AKT3: variants seen among roughly 807,000 people sequenced by gnomAD.
AKT3 encodes the protein RAC-gamma serine/threonine-protein kinase.
A neutral mutation model predicts 65.3 loss-of-function variants in AKT3; 15 were observed. The observed-to-expected ratio is 0.23, with a 90% CI of 0.15 to 0.35. AKT3 has a LOEUF of 0.35. Ranked by LOEUF, AKT3 falls within the 10% of genes least tolerant of loss-of-function variation. AKT3 has a pLI of 1.00. For synonymous variants in AKT3, 206 were observed against 183.8 expected (o/e 1.12, Z -0.98); for missense variants, 243 against 576.5 (o/e 0.42, Z 5.92).
At chr1:243,655,656 A>C (rs995695556) in intron 4 of AKT3, among the ~76,000 whole-genome samples, 9 of 152,202 alleles carry the variant, frequency 5.9e-5, no homozygotes, top group Non-Finnish European at 1.2e-4. Flanking sequence ...TTCAGGACTG[A>C]AATAATTTAT....
intron 12 of AKT3, among the ~76,000 whole-genome samples, chr1:243,530,692 T>C (rs941048626): frequency 1.3e-5 from 2 of 151,918 alleles, no homozygotes; most frequent in Admixed American, 6.6e-5. Flanking sequence ...TTGAAGGAAA[T>C]TGAAATGCAG....
intron 2 of AKT3, among the ~76,000 whole-genome samples, chr1:243,826,632 T>A (rs1340735172): frequency 1.3e-5 from 2 of 152,178 alleles, no homozygotes; most frequent in East Asian, 3.9e-4. Flanking sequence ...AACAAGTATA[T>A]GAAAAGCAAA....
chr1:243,741,335 CTAATAAA>C (rs1436925018), intron 2 of AKT3, among the ~76,000 whole-genome samples: 1 of 152,176 alleles, frequency 6.6e-6, no homozygotes, highest in Non-Finnish European at 1.5e-5. Flanking sequence ...TCCAGTAACA[CTAATAAA>C]TAATTATTCC....
At chr1:243,634,457 CAAT>C (rs1279241334) in intron 6 of AKT3, among the ~76,000 whole-genome samples, 2 of 151,740 alleles carry the variant, frequency 1.3e-5, no homozygotes, top group Non-Finnish European at 2.9e-5. Flanking sequence ...AAATTAACAA[CAAT>C]AATAAAATAG....
intron 1 of AKT3, among the ~76,000 whole-genome samples, chr1:243,844,000 A>C (rs956028389): frequency 3.3e-5 from 5 of 152,196 alleles, no homozygotes; most frequent in Admixed American, 2.0e-4. Flanking sequence ...CTCATCATTT[A>C]CGTATTCTTA....
chr1:243,674,631 T>C (rs1683379520), intron 3 of AKT3, among the ~76,000 whole-genome samples: 2 of 151,828 alleles, frequency 1.3e-5, no homozygotes, highest in South Asian at 4.2e-4. Context: ...AAAAGAGGGG[T>C]GAGGAAGGTA....
intron 2 of AKT3, among the ~76,000 whole-genome samples, chr1:243,803,810 TG>T (rs1158713446): frequency 2.0e-5 from 3 of 152,192 alleles, no homozygotes; most frequent in African/African-American, 7.2e-5. Flanking sequence ...CAATCAAGTT[TG>T]CCATCCCCCT....
chr1:243,843,456 T>C lies in AKT3; in HGVS notation c.-112-174A>G, dbSNP rs112765741. 5 of 1,076,146 alleles carry C rather than the reference T, an allele frequency of 4.6e-6. No individual in the cohort carries two copies. The African/African-American group carries it at 6.5e-5, about 14-fold the overall frequency. The allele number at this position is 1,076,146 out of a possible 1,614,324, so 66.7% of individuals were successfully genotyped here. ...TAGTTCTATAATGAAAGCACTTCCC[T>C]AGTCTTGTGACCAATTTCAAATGAT... On this transcript the variant is annotated intron_variant, in intron 1 of 13. Coordinates refer to ENST00000673466, the MANE Select transcript of AKT3 (RefSeq NM_005465.7).
intron 10 of AKT3, among the ~76,000 whole-genome samples, chr1:243,559,502 G>A (rs921265865): frequency 1.3e-5 from 2 of 151,936 alleles, no homozygotes; most frequent in African/African-American, 4.8e-5. Flanking sequence ...TTTCTAATTT[G>A]CCATAAGAAA....
At chr1:243,657,480 C>G (rs1449327812) in intron 4 of AKT3, among the ~76,000 whole-genome samples, 3 of 152,020 alleles carry the variant, frequency 2.0e-5, no homozygotes, top group African/African-American at 4.8e-5. Flanking sequence ...CAAAACATTG[C>G]TGAAAGAAAT....
chr1:243,847,645 T>C (rs1261175696), intron 1 of AKT3, among the ~76,000 whole-genome samples: 1 of 152,188 alleles, frequency 6.6e-6, no homozygotes, highest in Non-Finnish European at 1.5e-5. Context: ...CTAAGTCCAT[T>C]TGTTCCCTAG....
intron 6 of AKT3, among the ~76,000 whole-genome samples, chr1:243,615,814 C>G (rs1678259176): frequency 6.6e-6 from 1 of 152,036 alleles, no homozygotes; most frequent in African/African-American, 2.4e-5. Context: ...TCACTGTAAC[C>G]TTGAACTCCT....
chr1:243,679,148 A>T lies in AKT3; in HGVS notation c.173-14265T>A, dbSNP rs1238866962. ...AATAACATTTTCTCTTGCTTACATT[A>T]TAAGAATACAGTATATAGTGCATGT... On this transcript the variant is annotated intron_variant, in intron 3 of 13. Coordinates refer to ENST00000673466, the MANE Select transcript of AKT3 (RefSeq NM_005465.7). Among the ~76,000 whole-genome samples the T allele has an allele frequency of 2.0e-5, 3 of 152,220 alleles. No homozygotes were observed. In the East Asian group the frequency reaches 5.8e-4, roughly 29 times the overall value.
intron 2 of AKT3, among the ~76,000 whole-genome samples, chr1:243,762,888 G>A (rs1321382357): frequency 2.0e-5 from 3 of 151,978 alleles, no homozygotes; most frequent in Non-Finnish European, 2.9e-5. Context: ...AGACTTATCT[G>A]AGTAGAAAAT....
At chr1:243,712,300 G>A (rs758124974) in intron 2 of AKT3, among the ~76,000 whole-genome samples, 25 of 152,174 alleles carry the variant, frequency 1.6e-4, no homozygotes, top group South Asian at 8.3e-4. Flanking sequence ...AAAACTGACG[G>A]TGAGAGAGAA....
chr1:243,810,612 C>T (rs1227937801), intron 2 of AKT3, among the ~76,000 whole-genome samples: 2 of 152,120 alleles, frequency 1.3e-5, no homozygotes, highest in Non-Finnish European at 2.9e-5. Context: ...GAAGAGCTGG[C>T]ACCATTTCTT....
intron 3 of AKT3, among the ~76,000 whole-genome samples, chr1:243,683,578 T>C (rs1231360699): frequency 6.6e-6 from 1 of 152,138 alleles, no homozygotes; most frequent in Non-Finnish European, 1.5e-5. Flanking sequence ...ACTAATTATA[T>C]GTAGGGTATT....
intron 2 of AKT3, among the ~76,000 whole-genome samples, chr1:243,770,744 A>AAAAAAC (rs1553449117): frequency 6.6e-6 from 1 of 151,984 alleles, no homozygotes; most frequent in East Asian, 1.9e-4. Context: ...GAAAAAAAAA[A>AAAAAAC]AAAACATTTT....
chr1:243,729,777 T>G (rs1687432442), intron 2 of AKT3, among the ~76,000 whole-genome samples: 1 of 152,220 alleles, frequency 6.6e-6, no homozygotes, highest in Non-Finnish European at 1.5e-5. Flanking sequence ...AAAATATTAG[T>G]AATATCTCTG....
Sources: gnomAD v4.1 joint callset for allele counts (sites outside exome capture counted in the v4.1 genomes callset) on GRCh38, gnomAD v4.1.1 for gene constraint, MANE v1.5 for transcripts, NCBI Gene and HGNC (gene_info 2026-07-23, HGNC 2026-07-21) for gene names.